The following PECAM1 variants were observed in gnomAD, a reference collection of about 807,000 sequenced individuals.
PECAM1 encodes the protein platelet endothelial cell adhesion molecule.
A neutral mutation model predicts 13.8 loss-of-function variants in PECAM1; 8 were observed. The ratio of observed to expected loss-of-function variants is 0.58; its 90% CI spans 0.34 to 1.05. The LOEUF is 1.05. Ranked by LOEUF, PECAM1 falls within the 50% of genes least tolerant of loss-of-function variation. The probability of loss-of-function intolerance (pLI) is 0.03; values close to 1 mark genes in which losing one functional copy is unlikely to be tolerated. For synonymous variants in PECAM1, 136 were observed against 52.6 expected, an observed-to-expected ratio of 2.58 and a Z score of -6.86; for missense variants, 304 against 141.2, an observed-to-expected ratio of 2.15 and a Z score of -5.84.
intron 13 of PECAM1, among the ~76,000 whole-genome samples, chr17:64,344,701 A>G (rs1277638477): frequency 6.6e-6 from 1 of 152,036 alleles, no homozygotes; most frequent in Admixed American, 6.6e-5. Flanking sequence ...ACCTGGTAAT[A>G]CCTGGCTCTC....
intron 13 of PECAM1, among the ~76,000 whole-genome samples, chr17:64,347,269 G>C (rs1188968644): frequency 6.6e-6 from 1 of 151,962 alleles, no homozygotes; most frequent in Non-Finnish European, 1.5e-5. Context: ...TGTAATCCCA[G>C]CACTTTGGGA....
At position 64,363,342 on chromosome 17, in the gene PECAM1, T is replaced by C. The variant is rs1429356348; in HGVS notation, c.1023A>G (p.Glu341=). ...GGATGGAGCAGGACAGGTTCAGTCT[T>C]TCACCTTGGTCCAGATGTGTGAAGG... ...ESSFTHLDQG[E]RLNLSCSIPG... Residue 341 remains glutamate (E), a synonymous_variant, in exon 6 of 16, where the codon GAA becomes GAG. Coordinates refer to ENST00000563924, the MANE Select transcript of PECAM1 (RefSeq NM_000442.5). 3 of 475,260 alleles carry C rather than the reference T, an allele frequency of 6.3e-6. No individual in the cohort carries two copies. Among genetic ancestry groups the C allele is most frequent in the Non-Finnish European group, 1.2e-5 (3 of 259,072 alleles). The allele number at this position is 475,260 out of a possible 1,614,324, so 29.4% of individuals were successfully genotyped here. A position where few individuals can be genotyped will look rare whatever the true frequency, so the allele number is the denominator to read the frequency against.
chr17:64,346,234 C>A (rs944805486), intron 13 of PECAM1, among the ~76,000 whole-genome samples: 1 of 151,884 alleles, frequency 6.6e-6, no homozygotes, highest in Non-Finnish European at 1.5e-5. Flanking sequence ...TTTGAGCGTG[C>A]AGGAGCCACT....
chr17:64,327,090 A>G (rs1555645848), intron 15 of PECAM1, among the ~76,000 whole-genome samples: 2 of 152,230 alleles, frequency 1.3e-5, no homozygotes, highest in African/African-American at 4.8e-5. Flanking sequence ...GTGGGAAGTC[A>G]AGTGTTAATG....
intron 2 of PECAM1, among the ~76,000 whole-genome samples, chr17:64,389,839 G>C (rs2036677845): frequency 2.0e-5 from 3 of 152,134 alleles, no homozygotes; most frequent in Admixed American, 6.5e-5. Context: ...CCTGAGGTCA[G>C]GAGTTTGAGA....
At chr17:64,364,691 CA>C (rs1185308196) in intron 5 of PECAM1, among the ~76,000 whole-genome samples, 1 of 150,904 alleles carries the variant, frequency 6.6e-6, no homozygotes, top group East Asian at 2.0e-4. Context: ...AAATGTAATC[CA>C]GCATATAAAC....
chr17:64,377,289 T>G (rs1279098355), intron 3 of PECAM1, among the ~76,000 whole-genome samples: 1 of 152,204 alleles, frequency 6.6e-6, no homozygotes, highest in African/African-American at 2.4e-5. Context: ...AGACCCATTT[T>G]GTTTTGGAAA....
Position 64,325,020 on chromosome 17 carries a change from G to A in PECAM1, c.2188-1175C>T, listed in dbSNP as rs115181458. ...GCTCTGGAGATGGATAGTGGTGGTG[G>A]TTGCACAGCAATGTGAACGGACCTA... On this transcript the variant is annotated intron_variant, in intron 15 of 15. Coordinates refer to ENST00000563924, the MANE Select transcript of PECAM1 (RefSeq NM_000442.5). 3.3e-3 allele frequency among the ~76,000 whole-genome samples: 499 copies of A among 152,356 alleles called. 1 individual carries two copies. Among genetic ancestry groups the A allele is most frequent in the African/African-American group, 0.012 (483 of 41,586 alleles).
intron 15 of PECAM1, among the ~76,000 whole-genome samples, chr17:64,324,749 C>T (rs782503772): frequency 3.9e-5 from 6 of 152,136 alleles, no homozygotes; most frequent in African/African-American, 1.2e-4. Context: ...ACCTTGAAAA[C>T]GTTATGCTAA....
chr17:64,380,090 G>T (rs1200548843), intron 2 of PECAM1, among the ~76,000 whole-genome samples: 1 of 151,494 alleles, frequency 6.6e-6, no homozygotes, highest in Non-Finnish European at 1.5e-5. Flanking sequence ...CCAGCACTTT[G>T]AGAGGCCAAG....
chr17:64,329,760 A>C (rs782183110), intron 14 of PECAM1, 38 bp from the exon 15 acceptor site: 1 of 759,288 alleles, frequency 1.3e-6, no homozygotes, highest in Admixed American at 1.8e-5. Flanking sequence ...GAGCAACGCA[A>C]ATAACCCAGT....
intron 6 of PECAM1, among the ~76,000 whole-genome samples, chr17:64,362,899 G>A (rs2036019184): frequency 1.1e-4 from 16 of 152,072 alleles, no homozygotes. Flanking sequence ...GAACTTTTGG[G>A]TGGGTACTTG....
chr17:64,361,688 G>A (rs2035984360), intron 6 of PECAM1, among the ~76,000 whole-genome samples: 1 of 142,586 alleles, frequency 7.0e-6, no homozygotes. Flanking sequence ...GGGAGGCAGA[G>A]GTTGCAGTGA....
intron 3 of PECAM1, among the ~76,000 whole-genome samples, chr17:64,376,030 G>A (rs1321488618): frequency 6.6e-6 from 1 of 152,152 alleles, no homozygotes; most frequent in East Asian, 1.9e-4. Flanking sequence ...AAGGCCACGC[G>A]AGGTGGCTCA....
At position 64,383,069 on chromosome 17, in the gene PECAM1, T is replaced by G. The variant is rs1287491316; in HGVS notation, c.92-4952A>C. 2.6e-5 allele frequency among the ~76,000 whole-genome samples: 4 copies of G among 152,160 alleles called. No individual in the cohort carries two copies. The East Asian group carries it at 5.8e-4, about 22-fold the overall frequency. On this transcript the variant is annotated intron_variant, in intron 2 of 15. Coordinates refer to ENST00000563924, the MANE Select transcript of PECAM1 (RefSeq NM_000442.5). ...AAAATAAACAAAATAAAAAGCATAT[T>G]AAACATTTTCAGGTTAATTTAAAGC...
rs1357520755 is a variant in PECAM1, at chr17:64,375,300, C to T, written c.442G>A (p.Val148Met). Residue 148 changes from valine (V) to methionine (M), a missense_variant, in exon 4 of 16, where the codon GTG becomes ATG. Coordinates refer to ENST00000563924, the MANE Select transcript of PECAM1 (RefSeq NM_000442.5). ...DKKEAIQGGIVRVNCSVPEEK... is the reference protein window; with the variant it reads ...DKKEAIQGGIMRVNCSVPEEK... ...TCTGGGACAGAACAGTTGACCCTCA[C>T]GATCCCACCTTGGATGGCCTCTTTC... The T allele has an allele frequency of 4.2e-6, 2 of 475,184 alleles. No homozygotes were observed. The highest frequency in any genetic ancestry group is 3.1e-5 in the East Asian group (1 of 32,032). The allele number at this position is 475,184 out of a possible 1,614,324, so 29.4% of individuals were successfully genotyped here.
intron 5 of PECAM1, among the ~76,000 whole-genome samples, chr17:64,368,099 C>T (rs1176274675): frequency 1.3e-5 from 2 of 152,132 alleles, no homozygotes; most frequent in South Asian, 2.1e-4. Context: ...ACCCCTTCAC[C>T]GTGCAACCAA....
At chr17:64,332,497 CAA>C (rs1474380354) in intron 14 of PECAM1, among the ~76,000 whole-genome samples, 2 of 152,208 alleles carry the variant, frequency 1.3e-5, no homozygotes, top group African/African-American at 4.8e-5. Context: ...GGTAACAGAG[CAA>C]TCATCACCAA....
chr17:64,329,620 C>T (rs1195751180), intron 15 of PECAM1, 80 bp downstream of exon 15: 2 of 714,736 alleles, frequency 2.8e-6, no homozygotes, highest in Non-Finnish European at 2.6e-6. Flanking sequence ...CATGTGAATG[C>T]AGGACGTGGG....
Sources: allele counts gnomAD v4.1 joint callset (sites outside exome capture counted in the v4.1 genomes callset), GRCh38; gene constraint gnomAD v4.1.1; transcripts MANE v1.5; gene names NCBI Gene and HGNC (gene_info 2026-07-23, HGNC 2026-07-21).